Variants in SGCG observed in about 807,000 individuals in gnomAD.
SGCG encodes sarcoglycan gamma.
Under a neutral mutation model 29.3 loss-of-function variants are expected in SGCG, and 26 were observed. The ratio of observed to expected loss-of-function variants is 0.89; its 90% confidence interval spans 0.65 to 1.23. SGCG has a LOEUF of 1.23. SGCG is among the 50% of genes most tolerant of loss of function. The pLI, the probability that SGCG is intolerant of heterozygous loss-of-function variation, is 0.00. For synonymous variants in SGCG, 145 were observed against 129.7 expected (o/e 1.12, Z -0.80); for missense variants, 353 against 356.0 (o/e 0.99, Z 0.07).
At chr13:23,307,858 A>C (rs1878594302) in intron 6 of SGCG, among the ~76,000 whole-genome samples, 1 of 152,232 alleles carries the variant, frequency 6.6e-6, no homozygotes, top group African/African-American at 2.4e-5. Flanking sequence ...ATACAACTAC[A>C]TATAGACAGT....
At chr13:23,201,847 A>T (rs887184373) in intron 1 of SGCG, among the ~76,000 whole-genome samples, 6 of 152,146 alleles carry the variant, frequency 3.9e-5, no homozygotes, top group Admixed American at 3.9e-4. Flanking sequence ...CTCCCTGGCC[A>T]CCCTTCCCCA....
chr13:23,230,043 A>G (rs1879048303), intron 2 of SGCG, among the ~76,000 whole-genome samples: 1 of 152,048 alleles, frequency 6.6e-6, no homozygotes, highest in African/African-American at 2.4e-5. Context: ...ATAGGCAGTT[A>G]TTTCCCCTTT....
At chr13:23,209,173 C>T (rs191857972) in intron 2 of SGCG, among the ~76,000 whole-genome samples, 1 of 152,012 alleles carries the variant, frequency 6.6e-6, no homozygotes, top group African/African-American at 2.4e-5. Flanking sequence ...GCTTATAATT[C>T]TATAAAATAC....
At chr13:23,312,084 GCTT>G (rs1882621606) in intron 6 of SGCG, among the ~76,000 whole-genome samples, 2 of 152,166 alleles carry the variant, frequency 1.3e-5, no homozygotes, top group African/African-American at 2.4e-5. Context: ...GCGGACTCTA[GCTT>G]CTTCTTTGGC....
At chr13:23,189,382 G>T (rs1412107317) in intron 1 of SGCG, among the ~76,000 whole-genome samples, 1 of 152,132 alleles carries the variant, frequency 6.6e-6, no homozygotes, top group African/African-American at 2.4e-5. Context: ...TCACTGTGTT[G>T]CCCAGGCTGG....
chr13:23,189,945 G>T (rs989007659), intron 1 of SGCG, among the ~76,000 whole-genome samples: 1 of 152,178 alleles, frequency 6.6e-6, no homozygotes, highest in Non-Finnish European at 1.5e-5. Flanking sequence ...TCAAAGGGTT[G>T]TGTCAAAGGA....
the SGCG span, among the ~76,000 whole-genome samples, chr13:23,165,031 G>A: frequency 7.2e-5 from 11 of 152,092 alleles, no homozygotes; most frequent in African/African-American, 2.7e-4. Flanking sequence ...ACTTTCCCTT[G>A]AGCATAAGCT....
chr13:23,279,405 C>A lies in SGCG; in HGVS notation c.432C>A (p.Ser144=). The part of the protein sequence containing the change: ...EVQNQQFQIN[S]NDGKPLFTVD... Reference sequence around the variant, plus strand: ...AGAATCAACAGTTTCAGATCAACTCCAACGACGGCAAGCCACTATTTACTG... The same window carrying A: ...AGAATCAACAGTTTCAGATCAACTCAAACGACGGCAAGCCACTATTTACTG... The change falls in exon 5 of 8, where the codon TCC becomes TCA. Residue 144 remains serine, a synonymous_variant. Transcript: ENST00000218867. 1 of 1,613,240 alleles carries A rather than the reference C, an allele frequency of 6.2e-7. No individual in the cohort carries two copies. The highest frequency in any genetic ancestry group is 1.1e-5 in the South Asian group (1 of 91,038).
At chr13:23,261,201 G>A (rs567645486) in intron 4 of SGCG, among the ~76,000 whole-genome samples, 20 of 151,736 alleles carry the variant, frequency 1.3e-4, no homozygotes, top group African/African-American at 2.9e-4. Context: ...ATCTTTTCAC[G>A]TAGTCCCATA....
intron 3 of SGCG, among the ~76,000 whole-genome samples, chr13:23,240,802 G>C (rs1879474947): frequency 6.6e-6 from 1 of 152,142 alleles, no homozygotes; most frequent in Non-Finnish European, 1.5e-5. Context: ...AATTTGGGAG[G>C]ATGTAGCTGA....
chr13:23,224,135 C>T (rs1011351231), intron 2 of SGCG, among the ~76,000 whole-genome samples: 1 of 152,148 alleles, frequency 6.6e-6, no homozygotes, highest in Non-Finnish European at 1.5e-5. Flanking sequence ...ACAGATCCTG[C>T]TGTTTCTGAG....
intron 6 of SGCG, among the ~76,000 whole-genome samples, chr13:23,315,481 G>C (rs190114540): frequency 4.6e-5 from 7 of 152,284 alleles, no homozygotes; most frequent in South Asian, 2.1e-4. Context: ...TGCACCAATG[G>C]CCTCATGGGG....
intron 6 of SGCG, among the ~76,000 whole-genome samples, chr13:23,314,913 C>T (rs915470256): frequency 8.5e-5 from 13 of 152,232 alleles, no homozygotes; most frequent in Admixed American, 5.2e-4. Flanking sequence ...TGTGTTACTT[C>T]GGCCCATTTA....
At chr13:23,315,850 TC>T (rs368225312) in intron 6 of SGCG, among the ~76,000 whole-genome samples, 19 of 152,262 alleles carry the variant, frequency 1.2e-4, no homozygotes, top group African/African-American at 4.6e-4. Context: ...CTCTGAGTGG[TC>T]AAAAAATGTG....
At chr13:23,215,302 C>T (rs745448191) in intron 2 of SGCG, among the ~76,000 whole-genome samples, 1 of 152,148 alleles carries the variant, frequency 6.6e-6, no homozygotes, top group East Asian at 1.9e-4. Context: ...CTGTTAATGT[C>T]TTCTGGTAAC....
intron 1 of SGCG, among the ~76,000 whole-genome samples, chr13:23,199,107 C>T (rs1048853787): frequency 7.3e-6 from 1 of 137,602 alleles, no homozygotes; most frequent in African/African-American, 2.7e-5. Context: ...GACTCCGTCT[C>T]AAAAAAAAAA....
intron 7 of SGCG, among the ~76,000 whole-genome samples, chr13:23,322,813 G>A (rs190165181): frequency 0.011 from 1,458 of 136,038 alleles, 56 homozygotes; most frequent in Admixed American, 0.079. Flanking sequence ...ACGTGGTGCC[G>A]CGGGCAGAGG....
chr13:23,261,682 G>A (rs1446109585), intron 4 of SGCG, among the ~76,000 whole-genome samples: 2 of 151,940 alleles, frequency 1.3e-5, no homozygotes, highest in African/African-American at 4.8e-5. Flanking sequence ...ATTGCAAAAA[G>A]GACATCACCA....
chr13:23,267,435 C>A (rs764162666), intron 4 of SGCG: 1 of 152,220 alleles, frequency 6.6e-6, no homozygotes, highest in Non-Finnish European at 1.5e-5. Flanking sequence ...CCCAGATAAT[C>A]CAAGTCACTT....
Sources: allele counts gnomAD v4.1 joint callset (sites outside exome capture counted in the v4.1 genomes callset), GRCh38; gene constraint gnomAD v4.1.1; transcripts MANE v1.5; gene names NCBI Gene and HGNC (gene_info 2026-07-23, HGNC 2026-07-21).